The following TMTC1 variants were observed in gnomAD, a reference collection of about 807,000 sequenced individuals.
The protein encoded by TMTC1 is transmembrane O-mannosyltransferase targeting cadherins 1.
Under a neutral mutation model 104.8 loss-of-function variants are expected in TMTC1, and 73 were observed. The observed-to-expected ratio is 0.70, with a 90% CI of 0.58 to 0.85. The LOEUF (loss-of-function observed/expected upper bound fraction) is 0.85. Ranked by LOEUF, TMTC1 falls within the 40% of genes least tolerant of loss-of-function variation. TMTC1 has a pLI of 0.00. For synonymous variants in TMTC1, 434 were observed against 428.7 expected, an observed-to-expected ratio of 1.01 and a Z score of -0.15; for missense variants, 1,035 against 1,096.1, an observed-to-expected ratio of 0.94 and a Z score of 0.79.
chr12:29,523,733 C>A (rs1034243926), intron 11 of TMTC1, among the ~76,000 whole-genome samples: 1 of 152,024 alleles, frequency 6.6e-6, no homozygotes, highest in Non-Finnish European at 1.5e-5. Flanking sequence ...AAAGAGAGTA[C>A]AGGGGACCTC....
At chr12:29,557,834 T>G (rs991358827) in intron 9 of TMTC1, among the ~76,000 whole-genome samples, 1 of 152,164 alleles carries the variant, frequency 6.6e-6, no homozygotes, top group African/African-American at 2.4e-5. Flanking sequence ...AAAAATAAAC[T>G]TAATCTGCAA....
At chr12:29,632,732 A>C (rs549402728) in intron 6 of TMTC1, among the ~76,000 whole-genome samples, 24 of 152,258 alleles carry the variant, frequency 1.6e-4, no homozygotes, top group African/African-American at 5.5e-4. Flanking sequence ...GTTTTTAGTA[A>C]TTTTGTACAG....
intron 12 of TMTC1, among the ~76,000 whole-genome samples, 184 bp from the exon 13 acceptor site, chr12:29,518,791 TTCAC>T (rs1375665963): frequency 6.6e-6 from 1 of 152,228 alleles, no homozygotes; most frequent in African/African-American, 2.4e-5. Flanking sequence ...TTTGAACAAT[TTCAC>T]TGTTCATTCA....
chr12:29,566,361 C>A (rs1945515004), intron 9 of TMTC1, among the ~76,000 whole-genome samples: 1 of 152,112 alleles, frequency 6.6e-6, no homozygotes, highest in Non-Finnish European at 1.5e-5. Context: ...GCAGGTGGTG[C>A]AGGGCGAGCA....
intron 6 of TMTC1, among the ~76,000 whole-genome samples, chr12:29,610,460 G>A (rs955695607): frequency 4.6e-5 from 7 of 152,194 alleles, no homozygotes; most frequent in African/African-American, 1.2e-4. Flanking sequence ...AGTTTTGAAC[G>A]TTTACTGCTA....
chr12:29,698,155 C>T (rs1337480413), intron 5 of TMTC1, among the ~76,000 whole-genome samples: 1 of 152,196 alleles, frequency 6.6e-6, no homozygotes, highest in Non-Finnish European at 1.5e-5. Flanking sequence ...ATTCACTAAA[C>T]TCATATTGCA....
intron 5 of TMTC1, among the ~76,000 whole-genome samples, chr12:29,684,875 A>AT (rs374465294): frequency 6.6e-6 from 1 of 152,150 alleles, no homozygotes; most frequent in Non-Finnish European, 1.5e-5. Flanking sequence ...AACACAAAGA[A>AT]TTTTTTCCAA....
chr12:29,635,353 A>G (rs932731360), intron 5 of TMTC1, among the ~76,000 whole-genome samples: 2 of 152,282 alleles, frequency 1.3e-5, no homozygotes, highest in Non-Finnish European at 2.9e-5. Context: ...AAGGTTCTCT[A>G]TGACTTAGCT....
intron 7 of TMTC1, among the ~76,000 whole-genome samples, chr12:29,591,431 C>T (rs546869524): frequency 3.3e-5 from 5 of 152,274 alleles, no homozygotes; most frequent in African/African-American, 1.2e-4. Context: ...TGATCAGAGA[C>T]CTTCACTACA....
intron 6 of TMTC1, among the ~76,000 whole-genome samples, chr12:29,628,597 A>G (rs1938129234): frequency 6.6e-6 from 1 of 152,200 alleles, no homozygotes; most frequent in Admixed American, 6.5e-5. Flanking sequence ...TGCTACTTGG[A>G]GGCTTCATCT....
At chr12:29,669,319 G>A (rs539112077) in intron 5 of TMTC1, among the ~76,000 whole-genome samples, 5 of 152,310 alleles carry the variant, frequency 3.3e-5, no homozygotes, top group Admixed American at 6.5e-5. Flanking sequence ...CTTTCACTCC[G>A]GGACTTCATG....
At chr12:29,726,093 C>T (rs1050215495) in intron 5 of TMTC1, among the ~76,000 whole-genome samples, 1 of 152,166 alleles carries the variant, frequency 6.6e-6, no homozygotes, top group East Asian at 1.9e-4. Flanking sequence ...TAAAAACATA[C>T]ACCGTGTTCT....
At chr12:29,520,119 T>C (rs1944106163) in intron 12 of TMTC1, among the ~76,000 whole-genome samples, 1 of 152,240 alleles carries the variant, frequency 6.6e-6, no homozygotes, top group African/African-American at 2.4e-5. Context: ...ATAAAGTAAG[T>C]GTATTTTATA....
chr12:29,623,375 GA>G (rs1937779505), intron 6 of TMTC1, among the ~76,000 whole-genome samples: 1 of 152,186 alleles, frequency 6.6e-6, no homozygotes, highest in African/African-American at 2.4e-5. Context: ...AATGCATTAG[GA>G]AAGAGTATGC....
At chr12:29,596,429 C>T (rs1015160483) in intron 7 of TMTC1, among the ~76,000 whole-genome samples, 3 of 152,190 alleles carry the variant, frequency 2.0e-5, no homozygotes, top group African/African-American at 7.2e-5. Flanking sequence ...TCATTGTTCC[C>T]TAGTGTAAAA....
intron 5 of TMTC1, among the ~76,000 whole-genome samples, chr12:29,715,851 C>T (rs1355519280): frequency 6.6e-6 from 1 of 152,028 alleles, no homozygotes; most frequent in Admixed American, 6.6e-5. Context: ...TGAAAACTCA[C>T]TCACTATTAT....
At chr12:29,752,273 C>T (rs1302736142) in intron 4 of TMTC1, among the ~76,000 whole-genome samples, 2 of 152,204 alleles carry the variant, frequency 1.3e-5, no homozygotes, top group East Asian at 3.9e-4. Flanking sequence ...GCTGAACCAT[C>T]CAATTAATTA....
chr12:29,630,607 T>C (rs1009381195), intron 6 of TMTC1, among the ~76,000 whole-genome samples: 1 of 152,222 alleles, frequency 6.6e-6, no homozygotes, highest in Non-Finnish European at 1.5e-5. Context: ...CCACATTGTT[T>C]TATGTATTCG....
At chr12:29,687,993 TG>T (rs1011046058) in intron 5 of TMTC1, among the ~76,000 whole-genome samples, 1 of 152,186 alleles carries the variant, frequency 6.6e-6, no homozygotes, top group African/African-American at 2.4e-5. Context: ...GTATGAATTT[TG>T]GGGGAACGTA....
Sources: allele counts gnomAD v4.1 joint callset (sites outside exome capture counted in the v4.1 genomes callset), GRCh38; gene constraint gnomAD v4.1.1; transcripts MANE v1.5; gene names NCBI Gene and HGNC (gene_info 2026-07-23, HGNC 2026-07-21).